Variants in ACKR1 observed in about 807,000 individuals in gnomAD.
ACKR1 encodes the protein atypical chemokine receptor 1.
ACKR1 carries 3 observed loss-of-function variants against 2.5 expected under a neutral mutation model. That is an observed-to-expected ratio of 1.18 (90% CI 0.54 to 3.06). The LOEUF is 3.06. Among genes scored for constraint, ACKR1 ranks in the 30% most tolerant of loss-of-function variants. The pLI is 0.03. For synonymous variants in ACKR1, 208 were observed against 178.2 expected, an observed-to-expected ratio of 1.17 and a Z score of -1.33; for missense variants, 438 against 395.2, an observed-to-expected ratio of 1.11 and a Z score of -0.92.
Position 159,205,986 on chromosome 1 carries a change from C to T in ACKR1, c.547C>T (p.Pro183Ser), listed in dbSNP as rs996387865. Residue 183 changes from proline to serine, a missense_variant, in exon 2 of 2, where the codon CCT (proline) becomes TCT (serine). Physicochemically the swap from Pro to Ser is moderately conservative, Grantham distance 74. Transcript: ENST00000368122. ...GGGAGTGGCTGCCCTACTGACACTGCCTGTCACCCTGGCCAGTGGTGCTTC... is the reference window on the plus strand; with the variant it reads ...GGGAGTGGCTGCCCTACTGACACTGTCTGTCACCCTGGCCAGTGGTGCTTC... ...IWGVAALLTL[P>S]VTLASGASGG... 2.5e-6 allele frequency: 4 copies of T among 1,614,128 alleles called. No individual in the cohort carries two copies. The highest frequency in any genetic ancestry group is 2.2e-5 in the East Asian group (1 of 44,882).
In ACKR1 at chr1:159,205,627, CCTT is replaced by C. The variant is rs763291489; in HGVS notation, c.193_195del (p.Phe65del). 8 of 1,614,180 alleles carry C rather than the reference CCTT, an allele frequency of 5.0e-6. No homozygotes were observed. Among genetic ancestry groups the C allele is most frequent in the Non-Finnish European group, 6.8e-6 (8 of 1,180,022 alleles). Reference sequence around the variant, plus strand: ...AACCTGCTGGATGACTCTGCACTGCCCTTCTTCATCCTCACCAGTGTCCTGGGT... The same window carrying C: ...AACCTGCTGGATGACTCTGCACTGCCCTTCATCCTCACCAGTGTCCTGGGT... On this transcript the variant is annotated inframe_deletion, in exon 2 of 2. Coordinates refer to ENST00000368122, the MANE Select transcript of ACKR1 (RefSeq NM_002036.4).
chr1:159,205,057 A>T, intron 1 of ACKR1, 77 bp downstream of exon 1: 1 of 1,504,622 alleles, frequency 6.6e-7, no homozygotes, highest in Non-Finnish European at 9.0e-7. Flanking sequence ...CTCAGTCTTT[A>T]TATCTCTTCC....
Position 159,206,198 on chromosome 1 carries a change from G to T in ACKR1, c.759G>T (p.Trp253Cys). ...TCCTGTGGGCCTGGTTTATTTTCTG[G>T]TGGCCTCATGGGGTGGTTCTAGGAC... is the stretch of plus-strand genomic sequence containing the variant. Reference protein sequence around the residue: ...MNILWAWFIFWWPHGVVLGLD... With the variant: ...MNILWAWFIFCWPHGVVLGLD... The change falls in exon 2 of 2, where the codon TGG (tryptophan) becomes TGT (cysteine). Residue 253 changes from tryptophan (W) to cysteine (C), a missense_variant. By Grantham distance (215) the Trp-to-Cys change is radical. Coordinates refer to ENST00000368122, the MANE Select transcript of ACKR1 (RefSeq NM_002036.4). 1.2e-6 allele frequency: 2 copies of T among 1,614,222 alleles called. No individual in the cohort carries two copies. Among genetic ancestry groups the T allele is most frequent in the South Asian group, 1.1e-5 (1 of 91,088 alleles).
chr1:159,206,126 G>T lies in ACKR1; in HGVS notation c.687G>T (p.Lys229Asn). 1 of 1,614,236 alleles carries T rather than the reference G, an allele frequency of 6.2e-7. No homozygotes were observed. The highest frequency in any genetic ancestry group is 8.5e-7 in the Non-Finnish European group (1 of 1,180,048). The change falls in exon 2 of 2, where the codon AAG becomes AAT. Residue 229 changes from lysine (K) to asparagine (N), a missense_variant. Coordinates refer to ENST00000368122, the MANE Select transcript of ACKR1 (RefSeq NM_002036.4). ...TGCCATTGGGTTTGTTTGGAGCCAAGGGGCTGAAGAAGGCATTGGGTATGG... is the reference window on the plus strand; with the variant it reads ...TGCCATTGGGTTTGTTTGGAGCCAATGGGCTGAAGAAGGCATTGGGTATGG... ...VLLPLGLFGA[K>N]GLKKALGMGP...
rs751563734 is a variant in ACKR1 at position 159,205,679 on chromosome 1, C to A, written c.240C>A (p.Leu80=). 1.2e-6 allele frequency: 2 copies of A among 1,614,128 alleles called. No homozygotes were observed. The highest frequency in any genetic ancestry group is 1.3e-5 in the African/African-American group (1 of 74,952). ...GTATCCTAGCTAGCAGCACTGTCCT[C>A]TTCATGCTTTTCAGACCTCTCTTCC... ...VLGILASSTV[L]FMLFRPLFRW... Residue 80 remains leucine, a synonymous_variant, in exon 2 of 2, where the codon CTC becomes CTA. Coordinates refer to ENST00000368122, the MANE Select transcript of ACKR1 (RefSeq NM_002036.4).
In ACKR1 at chr1:159,206,012, T is replaced by C. The variant is rs954001864; in HGVS notation, c.573T>C (p.Ser191=). The C allele has an allele frequency of 6.2e-7, 1 of 1,614,228 alleles. No individual in the cohort carries two copies. Among genetic ancestry groups the C allele is most frequent in the African/African-American group, 1.3e-5 (1 of 75,072 alleles). Residue 191 remains serine, a synonymous_variant, in exon 2 of 2, where the codon TCT becomes TCC. Transcript: ENST00000368122. The stretch of plus-strand genomic sequence containing the variant: ...CTGTCACCCTGGCCAGTGGTGCTTC[T>C]GGTGGACTCTGCACCCTGATATACA... ...TLPVTLASGA[S]GGLCTLIYST...
Position 159,205,638 on chromosome 1 carries a change from C to T in ACKR1, c.199C>T (p.Leu67Phe), listed in dbSNP as rs118062001. The change falls in exon 2 of 2, where the codon CTC (leucine) becomes TTC (phenylalanine). Residue 67 changes from leucine to phenylalanine, a missense_variant. Transcript: ENST00000368122. Reference protein sequence around the residue: ...LDDSALPFFILTSVLGILASS... With the variant: ...LDDSALPFFIFTSVLGILASS... ...TGACTCTGCACTGCCCTTCTTCATC[C>T]TCACCAGTGTCCTGGGTATCCTAGC... is the stretch of plus-strand genomic sequence containing the variant. The T allele has an allele frequency of 3.8e-3, 6,152 of 1,614,208 alleles. 218 individuals are homozygous for T. In the East Asian group the frequency reaches 0.072, roughly 19 times the overall value.
Position 159,205,669 on chromosome 1 carries a change from G to T in ACKR1, c.230G>T (p.Ser77Ile), listed in dbSNP as rs369787112. Residue 77 changes from serine to isoleucine, a missense_variant, in exon 2 of 2, where the codon AGC becomes ATC. By Grantham distance (142) the Ser-to-Ile change is moderately radical (BLOSUM62 -2). Coordinates refer to ENST00000368122, the MANE Select transcript of ACKR1 (RefSeq NM_002036.4). ...LTSVLGILAS[S>I]TVLFMLFRPL... ...AGTGTCCTGGGTATCCTAGCTAGCA[G>T]CACTGTCCTCTTCATGCTTTTCAGA... 1 of 1,614,114 alleles carries T rather than the reference G, an allele frequency of 6.2e-7. No individual in the cohort carries two copies. Among genetic ancestry groups the T allele is most frequent in the East Asian group, 2.2e-5 (1 of 44,896 alleles).
rs1490054367 is a variant in ACKR1 at position 159,206,255 on chromosome 1, G to T, written c.816G>T (p.Leu272=). The T allele has an allele frequency of 6.2e-7, 1 of 1,614,256 alleles. No homozygotes were observed. Among genetic ancestry groups the T allele is most frequent in the South Asian group, 1.1e-5 (1 of 91,086 alleles). ...TCCTGGTGAGGTCCAAGCTGTTGCT[G>T]TTGTCAACATGTCTGGCCCAGCAGG... is the stretch of plus-strand genomic sequence containing the variant. The part of the protein sequence containing the change: ...LDFLVRSKLL[L]LSTCLAQQAL... The change falls in exon 2 of 2, where the codon CTG becomes CTT. Residue 272 remains leucine, a synonymous_variant. Transcript: ENST00000368122.
In ACKR1 at chr1:159,205,834, GCTA is replaced by G; in HGVS notation, c.398_400del (p.Tyr133del). ...CGCAGCTCTGCCCTGTGTAGCCTGG[GCTA>G]CTGTGTCTGGTATGGCTCAGCCTTT... is the stretch of plus-strand genomic sequence containing the variant. On this transcript the variant is annotated inframe_deletion, in exon 2 of 2. Transcript: ENST00000368122. The G allele has an allele frequency of 6.2e-7, 1 of 1,614,082 alleles. No homozygotes were observed. Among genetic ancestry groups the G allele is most frequent in the Non-Finnish European group, 8.5e-7 (1 of 1,179,986 alleles).
Position 159,206,205 on chromosome 1 carries a change from C to T in ACKR1, c.766C>T (p.His256Tyr). 2.5e-6 allele frequency: 4 copies of T among 1,614,236 alleles called. No homozygotes were observed. The South Asian group carries it at 4.4e-5, about 18-fold the overall frequency. Residue 256 changes from histidine to tyrosine, a missense_variant, in exon 2 of 2, where the codon CAT becomes TAT. His to Tyr is a moderately conservative substitution (Grantham distance 83). Transcript: ENST00000368122. ...GGCCTGGTTTATTTTCTGGTGGCCT[C>T]ATGGGGTGGTTCTAGGACTGGATTT... Reference protein sequence around the residue: ...LWAWFIFWWPHGVVLGLDFLV... With the variant: ...LWAWFIFWWPYGVVLGLDFLV...
In ACKR1 at chr1:159,205,572, C is replaced by T. The variant is rs768759913; in HGVS notation, c.133C>T (p.Leu45=). The change falls in exon 2 of 2, where the codon CTG becomes TTG. Residue 45 remains leucine, a synonymous_variant. Transcript: ENST00000368122. ...CCCAGATGGAGACTATGGTGCCAAC[C>T]TGGAAGCAGCTGCCCCCTGCCACTC... ...SFPDGDYGAN[L]EAAAPCHSCN... 6.2e-7 allele frequency: 1 copy of T among 1,614,244 alleles called. No homozygotes were observed. Among genetic ancestry groups the T allele is most frequent in the East Asian group, 2.2e-5 (1 of 44,886 alleles).
In ACKR1 at chr1:159,205,579, C is replaced by T; in HGVS notation, c.140C>T (p.Ala47Val). 1 of 1,614,234 alleles carries T rather than the reference C, an allele frequency of 6.2e-7. No homozygotes were observed. Among genetic ancestry groups the T allele is most frequent in the Non-Finnish European group, 8.5e-7 (1 of 1,180,042 alleles). The change falls in exon 2 of 2, where the codon GCA becomes GTA. Residue 47 changes from alanine to valine, a missense_variant. By Grantham distance (64) the Ala-to-Val change is moderately conservative. Coordinates refer to ENST00000368122, the MANE Select transcript of ACKR1 (RefSeq NM_002036.4). ...PDGDYGANLE[A>V]AAPCHSCNLL... ...GGAGACTATGGTGCCAACCTGGAAG[C>T]AGCTGCCCCCTGCCACTCCTGTAAC... is the stretch of plus-strand genomic sequence containing the variant.
rs1650386476 is a variant in ACKR1, at chr1:159,204,962, GGGGAACTGTCTGCACA to G, written c.7_21+1del. 1 of 1,614,024 alleles carries G rather than the reference GGGGAACTGTCTGCACA, an allele frequency of 6.2e-7. No individual in the cohort carries two copies. Among genetic ancestry groups the G allele is most frequent in the African/African-American group, 1.3e-5 (1 of 74,924 alleles). Reference sequence around the variant, plus strand: ...GCGGGCCTGAACCAAACGGTGCCATGGGGAACTGTCTGCACAGGGTGAGTATGGGGCCAGGCCCCAG... The same window carrying G: ...GCGGGCCTGAACCAAACGGTGCCATGGGGTGAGTATGGGGCCAGGCCCCAG... On this transcript the variant is annotated frameshift_variant and splice_region_variant, in exon 1 of 2. Coordinates refer to ENST00000368122, the MANE Select transcript of ACKR1 (RefSeq NM_002036.4). LOFTEE classifies it low-confidence loss of function (END_TRUNC).
Position 159,205,467 on chromosome 1 carries a change from C to T in ACKR1, c.28C>T (p.Leu10Phe), listed in dbSNP as rs1650407370. 3.1e-6 allele frequency: 5 copies of T among 1,609,126 alleles called. No individual in the cohort carries two copies. The highest frequency in any genetic ancestry group is 4.2e-6 in the Non-Finnish European group (5 of 1,177,166). MGNCLHRAE[L>F]SPSTENSSQL... ...CTCTGGGTATGTCCTCCAGGCGGAG[C>T]TCTCCCCCTCAACTGAGAACTCAAG... The change falls in exon 2 of 2, where the codon CTC (leucine) becomes TTC (phenylalanine). Residue 10 changes from leucine (L) to phenylalanine (F), a missense_variant. Coordinates refer to ENST00000368122, the MANE Select transcript of ACKR1 (RefSeq NM_002036.4).
chr1:159,206,424 C>A lies in ACKR1; in HGVS notation c.985C>A (p.Leu329Met). ...CCTCCCTGAAGGATGGTCTTCTCAT[C>A]TGGACACCCTTGGAAGCAAATCCTA... ...LPLPEGWSSH[L>M]DTLGSKS Residue 329 changes from leucine to methionine, a missense_variant, in exon 2 of 2, where the codon CTG becomes ATG. Transcript: ENST00000368122. 1 of 1,613,654 alleles carries A rather than the reference C, an allele frequency of 6.2e-7. No homozygotes were observed. The highest frequency in any genetic ancestry group is 8.5e-7 in the Non-Finnish European group (1 of 1,179,666).
chr1:159,205,668 A>G lies in ACKR1; in HGVS notation c.229A>G (p.Ser77Gly), dbSNP rs769647734. 3.1e-6 allele frequency: 5 copies of G among 1,614,092 alleles called. No individual in the cohort carries two copies. The highest frequency in any genetic ancestry group is 4.2e-6 in the Non-Finnish European group (5 of 1,180,038). ...CAGTGTCCTGGGTATCCTAGCTAGC[A>G]GCACTGTCCTCTTCATGCTTTTCAG... ...LTSVLGILAS[S>G]TVLFMLFRPL... The change falls in exon 2 of 2, where the codon AGC (serine) becomes GGC (glycine). Residue 77 changes from serine to glycine, a missense_variant. Transcript: ENST00000368122.
intron 1 of ACKR1, 87 bp from the exon 2 acceptor site, chr1:159,205,374 C>T: frequency 6.6e-7 from 1 of 1,520,682 alleles, no homozygotes; most frequent in South Asian, 1.3e-5. Flanking sequence ...CGACCTTCCT[C>T]TCTGTCCTCC....
intron 1 of ACKR1, 179 bp downstream of exon 1, chr1:159,205,159 C>T (rs1650397937): frequency 2.6e-6 from 2 of 757,288 alleles, no homozygotes; most frequent in African/African-American, 1.8e-5. Context: ...CTCCTAGCTC[C>T]CTCTTGTGTC....
Sources: gnomAD v4.1 joint callset for allele counts on GRCh38, gnomAD v4.1.1 for gene constraint, MANE v1.5 for transcripts, NCBI Gene and HGNC (gene_info 2026-07-23, HGNC 2026-07-21) for gene names.